Variants in RABL3 observed in about 807,000 individuals in gnomAD.
RABL3 encodes rab-like protein 3.
In RABL3, 31 loss-of-function variants were observed where a neutral mutation model predicts 31.8. That is an observed-to-expected ratio of 0.97 (90% CI 0.73 to 1.31). The LOEUF is 1.31. Among genes scored for constraint, RABL3 ranks in the 40% most tolerant of loss-of-function variants. The pLI is 0.00. For synonymous variants in RABL3, 97 were observed against 99.9 expected, an observed-to-expected ratio of 0.97 and a Z score of 0.18; for missense variants, 263 against 279.6, an observed-to-expected ratio of 0.94 and a Z score of 0.42.
At position 120,689,605 on chromosome 3, in the gene RABL3, T is replaced by C. The variant is rs1708355200; in HGVS notation, c.*218A>G. The C allele has an allele frequency of 1.1e-5, 5 of 468,680 alleles. No homozygotes were observed. The highest frequency in any genetic ancestry group is 3.0e-4 in the Middle Eastern group (1 of 3,286). The allele number at this position is 468,680 out of a possible 1,614,324, so 29.0% of individuals were successfully genotyped here. ...TTACACAAGGCTTTTACATAATCTA[T>C]ACACAGGGACAGAAAGGTAAGGAAC... is the stretch of plus-strand genomic sequence containing the variant. On this transcript the variant is annotated 3_prime_UTR_variant, in exon 8 of 8. Transcript: ENST00000273375.
intron 2 of RABL3, among the ~76,000 whole-genome samples, chr3:120,726,312 A>G (rs897595841): frequency 6.6e-6 from 1 of 152,064 alleles, no homozygotes; most frequent in African/African-American, 2.4e-5. Flanking sequence ...TTTGTTTGCT[A>G]TCTGTGCTTT....
chr3:120,723,209 A>G (rs779593068), intron 2 of RABL3, among the ~76,000 whole-genome samples: 29 of 152,348 alleles, frequency 1.9e-4, no homozygotes, highest in Non-Finnish European at 4.0e-4. Flanking sequence ...AGAAATGGAT[A>G]AATTCCTGGA....
At chr3:120,724,036 A>G (rs1457840016) in intron 2 of RABL3, among the ~76,000 whole-genome samples, 1 of 152,228 alleles carries the variant, frequency 6.6e-6, no homozygotes, top group Non-Finnish European at 1.5e-5. Context: ...ACATGATAGT[A>G]TATCCAGAAA....
At chr3:120,733,814 T>C (rs902254265) in intron 1 of RABL3, among the ~76,000 whole-genome samples, 2 of 152,224 alleles carry the variant, frequency 1.3e-5, no homozygotes, top group Admixed American at 1.3e-4. Context: ...AAATAGGGAA[T>C]CCTTTCCCCA....
intron 2 of RABL3, among the ~76,000 whole-genome samples, chr3:120,711,620 T>C (rs2107583713): frequency 6.6e-6 from 1 of 152,284 alleles, no homozygotes; most frequent in Non-Finnish European, 1.5e-5. Context: ...CTTTTTCTCA[T>C]GTCTAGGCTC....
chr3:120,698,371 G>A, intron 5 of RABL3, 52 bp downstream of exon 5: 2 of 1,501,270 alleles, frequency 1.3e-6, no homozygotes, highest in African/African-American at 2.8e-5. Context: ...TATGTCTTCA[G>A]TTTTGTCTTT....
chr3:120,693,952 C>A (rs1708407954), intron 6 of RABL3, among the ~76,000 whole-genome samples: 1 of 152,050 alleles, frequency 6.6e-6, no homozygotes, highest in African/African-American at 2.4e-5. Context: ...TTGCCCTTTA[C>A]TTAGAGAACA....
intron 2 of RABL3, among the ~76,000 whole-genome samples, chr3:120,720,683 C>G (rs138796498): frequency 1.1e-4 from 16 of 152,112 alleles, no homozygotes; most frequent in African/African-American, 3.9e-4. Context: ...TATGGGACTA[C>G]GTGAAAAGAC....
chr3:120,731,528 T>C (rs563644653), intron 1 of RABL3, among the ~76,000 whole-genome samples: 2 of 152,160 alleles, frequency 1.3e-5, no homozygotes, highest in African/African-American at 2.4e-5. Flanking sequence ...AAGGGTAGCA[T>C]TGAGAGATTT....
In RABL3 at chr3:120,690,350, A is replaced by C; in HGVS notation, c.645+99T>G. On this transcript the variant is annotated intron_variant, in intron 7 of 7. Transcript: ENST00000273375. Reference sequence around the variant, plus strand: ...GGAAATCAGTTGCTTGTGCCTATAAAGGGCTTTCCCCAACTTTTTAAAACT... The same window carrying C: ...GGAAATCAGTTGCTTGTGCCTATAACGGGCTTTCCCCAACTTTTTAAAACT... 12 of 808,584 alleles carry C rather than the reference A, an allele frequency of 1.5e-5. No homozygotes were observed. The South Asian group carries it at 1.6e-4, about 11-fold the overall frequency. 50.1% of individuals were successfully genotyped at this position (808,584 alleles called of 1,614,324 possible).
At chr3:120,702,134 G>A (rs752329523) in intron 4 of RABL3, among the ~76,000 whole-genome samples, 4 of 152,150 alleles carry the variant, frequency 2.6e-5, no homozygotes, top group Non-Finnish European at 5.9e-5. Flanking sequence ...TTTTCCTTCT[G>A]TTGTAAGCCA....
intron 5 of RABL3, among the ~76,000 whole-genome samples, chr3:120,696,308 G>A (rs1331985922): frequency 6.6e-6 from 1 of 152,078 alleles, no homozygotes; most frequent in Non-Finnish European, 1.5e-5. Context: ...TGTTACATTA[G>A]TTTTTATTTG....
intron 2 of RABL3, among the ~76,000 whole-genome samples, chr3:120,721,409 C>T (rs980879768): frequency 5.3e-5 from 8 of 152,132 alleles, no homozygotes; most frequent in African/African-American, 1.9e-4. Context: ...CAAGACCCAT[C>T]AGTGTGCTGT....
At chr3:120,707,999 C>T (rs963279525) in intron 3 of RABL3, among the ~76,000 whole-genome samples, 1 of 151,916 alleles carries the variant, frequency 6.6e-6, no homozygotes, top group African/African-American at 2.4e-5. Flanking sequence ...GATTACTAGC[C>T]TAGGCTATTA....
chr3:120,724,164 A>G (rs199509867), intron 2 of RABL3, among the ~76,000 whole-genome samples: 1 of 152,032 alleles, frequency 6.6e-6, no homozygotes, highest in East Asian at 1.9e-4. Context: ...AACAGACAAA[A>G]AGAGAGCCAA....
Position 120,689,780 on chromosome 3 carries a change from A to C in RABL3, c.*43T>G. 2.2e-6 allele frequency: 3 copies of C among 1,369,420 alleles called. No homozygotes were observed. The highest frequency in any genetic ancestry group is 3.1e-6 in the Non-Finnish European group (3 of 959,980). 84.8% of individuals were successfully genotyped at this position (1,369,420 alleles called of 1,614,324 possible). ...TGAACACAGCAAGATGAGCTGTGAA[A>C]AACTGCCACTGCTTGCTCACTCTTC... On this transcript the variant is annotated 3_prime_UTR_variant, in exon 8 of 8. Coordinates refer to ENST00000273375, the MANE Select transcript of RABL3 (RefSeq NM_173825.5).
chr3:120,720,000 A>G (rs1708718066), intron 2 of RABL3, among the ~76,000 whole-genome samples: 1 of 151,320 alleles, frequency 6.6e-6, no homozygotes, highest in Non-Finnish European at 1.5e-5. Context: ...CCAGAGGAAC[A>G]ATCAGGCAGC....
In RABL3 at chr3:120,718,296, A is replaced by T. The variant is rs1056309906; in HGVS notation, c.139-8387T>A. On this transcript the variant is annotated intron_variant, in intron 2 of 7. Transcript: ENST00000273375. Reference sequence around the variant, plus strand: ...TACCTTGGAGTTCAGAAAATAGGAAATGCCTTGCTAACACTCCAAAGCTAC... The same window carrying T: ...TACCTTGGAGTTCAGAAAATAGGAATTGCCTTGCTAACACTCCAAAGCTAC... Among the ~76,000 whole-genome samples the T allele has an allele frequency of 2.6e-5, 4 of 152,162 alleles. No individual in the cohort carries two copies. The East Asian group carries it at 7.7e-4, about 29-fold the overall frequency.
chr3:120,714,515 T>C (rs1453979790), intron 2 of RABL3, among the ~76,000 whole-genome samples: 2 of 151,904 alleles, frequency 1.3e-5, no homozygotes, highest in African/African-American at 4.8e-5. Flanking sequence ...TTTTTCTAAT[T>C]AAAAAAAAGC....
Sources: allele counts gnomAD v4.1 joint callset (sites outside exome capture counted in the v4.1 genomes callset), GRCh38; gene constraint gnomAD v4.1.1; transcripts MANE v1.5; gene names NCBI Gene and HGNC (gene_info 2026-07-23, HGNC 2026-07-21).